The following SGCD variants were observed in gnomAD, a reference collection of about 807,000 sequenced individuals.
SGCD encodes sarcoglycan delta.
Under a neutral mutation model 36.6 loss-of-function variants are expected in SGCD, and 18 were observed. The observed-to-expected ratio is 0.49, with a 90% CI of 0.34 to 0.73. SGCD has a LOEUF of 0.73. Among genes scored for constraint, SGCD ranks in the 30% least tolerant of loss-of-function variants. SGCD has a pLI of 0.01. For missense variants in SGCD, 387 were observed against 346.7 expected, an observed-to-expected ratio of 1.12 and a Z score of -0.92; for synonymous variants, 133 against 130.6, an observed-to-expected ratio of 1.02 and a Z score of -0.12.
At chr5:156,633,507 T>A (rs559233451) in intron 6 of SGCD, among the ~76,000 whole-genome samples, 2 of 152,314 alleles carry the variant, frequency 1.3e-5, no homozygotes, top group African/African-American at 4.8e-5. Context: ...TAGATTTGCC[T>A]GTGTTTGGGT....
intron 3 of SGCD, among the ~76,000 whole-genome samples, chr5:156,214,761 T>C (rs1416764521): frequency 6.6e-6 from 1 of 152,000 alleles, no homozygotes; most frequent in African/African-American, 2.4e-5. Context: ...CATAGACCAA[T>C]GGAATGGAAT....
At chr5:156,287,999 G>T (rs1172118739) in intron 3 of SGCD, among the ~76,000 whole-genome samples, 1 of 152,176 alleles carries the variant, frequency 6.6e-6, no homozygotes, top group African/African-American at 2.4e-5. Context: ...GCAGTCATAT[G>T]CAGTTCAGTT....
intron 3 of SGCD, among the ~76,000 whole-genome samples, chr5:156,201,874 G>A (rs190334201): frequency 4.4e-4 from 67 of 152,216 alleles, no homozygotes; most frequent in Middle Eastern, 3.4e-3. Context: ...GAGTTGGTGT[G>A]TGGGAATCTA....
intron 4 of SGCD, among the ~76,000 whole-genome samples, chr5:156,534,681 G>A (rs1319425264): frequency 1.3e-5 from 2 of 152,150 alleles, no homozygotes; most frequent in African/African-American, 4.8e-5. Flanking sequence ...GTGAAGCTTG[G>A]TTTTGCTTCT....
chr5:156,505,199 G>A lies in SGCD; in HGVS notation c.193-3402G>A, dbSNP rs549949454. ...TTTCCCTTTGTTGCAGGTTCCACCT[G>A]CTGCAGGTGAGACACGTGCCATGTC... On this transcript the variant is annotated intron_variant, in intron 3 of 8. Transcript: ENST00000337851. Among the ~76,000 whole-genome samples, 8 of 152,320 alleles carry A rather than the reference G, an allele frequency of 5.3e-5. No homozygotes were observed. In the East Asian group the frequency reaches 1.2e-3, roughly 22 times the overall value.
chr5:155,820,045 T>C, the SGCD span, among the ~76,000 whole-genome samples: 1 of 152,160 alleles, frequency 6.6e-6, no homozygotes, highest in African/African-American at 2.4e-5. Context: ...GAGCTCTTAG[T>C]ATATTGCAAG....
intron 1 of SGCD, among the ~76,000 whole-genome samples, chr5:156,046,792 T>C (rs891825433): frequency 3.9e-5 from 6 of 152,150 alleles, no homozygotes; most frequent in African/African-American, 1.4e-4. Context: ...TGTCTCAAGG[T>C]ATTCAAGTGA....
rs529115973 is a variant in SGCD at position 156,258,613 on chromosome 5, T to C, written c.-43-70921T>C. 5.2e-4 allele frequency among the ~76,000 whole-genome samples: 79 copies of C among 152,312 alleles called. 1 individual carries two copies. The South Asian group carries it at 0.014, about 28-fold the overall frequency. On this transcript the variant is annotated intron_variant, in intron 3 of 9. Coordinates refer to the SGCD transcript ENST00000517913. ...TCTATGTGGTCACATCTTCTTCATA[T>C]ACTTCAACACACAAAAACAGGAGAG... is the stretch of plus-strand genomic sequence containing the variant.
chr5:156,037,752 T>C (rs1759534819), intron 1 of SGCD, among the ~76,000 whole-genome samples: 2 of 152,220 alleles, frequency 1.3e-5, no homozygotes, highest in African/African-American at 4.8e-5. Flanking sequence ...TTGCACGTGT[T>C]AATTCCCTGC....
At chr5:156,300,805 G>T (rs138073998) in intron 3 of SGCD, among the ~76,000 whole-genome samples, 71 of 152,134 alleles carry the variant, frequency 4.7e-4, no homozygotes, top group African/African-American at 1.7e-3. Flanking sequence ...ATTCTTGGGT[G>T]CATATAAATT....
At chr5:156,584,771 C>T (rs769114470) in intron 4 of SGCD, among the ~76,000 whole-genome samples, 11 of 152,214 alleles carry the variant, frequency 7.2e-5, no homozygotes, top group Non-Finnish European at 1.5e-4. Flanking sequence ...CCTCCCACCA[C>T]ACTGCTTTTT....
At chr5:156,340,432 C>G (rs188186534) in intron 2 of SGCD, among the ~76,000 whole-genome samples, 67 of 152,148 alleles carry the variant, frequency 4.4e-4, no homozygotes, top group African/African-American at 1.4e-3. Flanking sequence ...AGGAGTATTC[C>G]TAGAAGACAT....
intron 3 of SGCD, among the ~76,000 whole-genome samples, chr5:156,465,680 G>A (rs918393077): frequency 6.6e-6 from 1 of 152,170 alleles, no homozygotes; most frequent in African/African-American, 2.4e-5. Context: ...CACATCAAAA[G>A]TTAACTTTCT....
intron 3 of SGCD, among the ~76,000 whole-genome samples, chr5:156,274,758 T>A (rs1253075933): frequency 6.6e-6 from 1 of 152,170 alleles, no homozygotes; most frequent in African/African-American, 2.4e-5. Context: ...TATACTGCTT[T>A]GCTCAGCCAT....
At chr5:156,012,692 A>C (rs1758885361) in intron 1 of SGCD, among the ~76,000 whole-genome samples, 1 of 150,866 alleles carries the variant, frequency 6.6e-6, no homozygotes, top group African/African-American at 2.4e-5. Flanking sequence ...GGCTCACTGC[A>C]AGCTCCGCCT....
At chr5:156,439,685 A>G (rs944884934) in intron 3 of SGCD, among the ~76,000 whole-genome samples, 2 of 152,166 alleles carry the variant, frequency 1.3e-5, no homozygotes, top group African/African-American at 4.8e-5. Flanking sequence ...TTTGGGGACA[A>G]TGTTACACCA....
the SGCD span, among the ~76,000 whole-genome samples, chr5:155,793,857 A>T: frequency 6.6e-6 from 1 of 151,198 alleles, no homozygotes; most frequent in Non-Finnish European, 1.5e-5. Flanking sequence ...CCAAAATGTC[A>T]GTTTTTAGAT....
the SGCD span, among the ~76,000 whole-genome samples, chr5:155,763,628 G>C: frequency 2.0e-5 from 3 of 152,148 alleles, no homozygotes; most frequent in African/African-American, 7.2e-5. Flanking sequence ...ATCAAAGAGA[G>C]TGTGGCTGCA....
intron 3 of SGCD, among the ~76,000 whole-genome samples, chr5:156,291,567 A>G (rs1189467983): frequency 6.6e-6 from 1 of 152,106 alleles, no homozygotes; most frequent in Non-Finnish European, 1.5e-5. Flanking sequence ...CTATTTGTTC[A>G]TTGATTTAAT....
Sources: allele counts gnomAD v4.1 joint callset (sites outside exome capture counted in the v4.1 genomes callset), GRCh38; gene constraint gnomAD v4.1.1; transcripts MANE v1.5; gene names NCBI Gene and HGNC (gene_info 2026-07-23, HGNC 2026-07-21).